The following WDR64 variants were observed in gnomAD, a reference collection of about 807,000 sequenced individuals.
WDR64 encodes WD repeat-containing protein 64.
Under a neutral mutation model 139.3 loss-of-function variants are expected in WDR64, and 112 were observed. The ratio of observed to expected loss-of-function variants is 0.80; its 90% CI spans 0.69 to 0.94. The LOEUF is 0.94. WDR64 is among the 40% of genes least tolerant of loss of function. The pLI is 0.00. For missense variants in WDR64, 1,206 were observed against 1,293.1 expected (o/e 0.93, Z 1.03); for synonymous variants, 444 against 437.7 (o/e 1.01, Z -0.18).
At chr1:241,665,625 T>C (rs1332549693) in intron 2 of WDR64, among the ~76,000 whole-genome samples, 1 of 152,126 alleles carries the variant, frequency 6.6e-6, no homozygotes, top group Non-Finnish European at 1.5e-5. Flanking sequence ...ACCTAAACAT[T>C]ATCTAGACCT....
intron 8 of WDR64, among the ~76,000 whole-genome samples, chr1:241,688,314 T>C (rs1667086669): frequency 6.6e-6 from 1 of 152,176 alleles, no homozygotes; most frequent in African/African-American, 2.4e-5. Flanking sequence ...AAGGGGACTT[T>C]CTTGGGTGAT....
intron 15 of WDR64, 118 bp downstream of exon 15, chr1:241,757,577 G>A (rs1308157473): frequency 8.7e-6 from 8 of 922,460 alleles, no homozygotes; most frequent in East Asian, 3.0e-5. Context: ...ACTCAGCTTC[G>A]AGAACTTTCT....
intron 15 of WDR64, among the ~76,000 whole-genome samples, chr1:241,760,147 T>C (rs1055559360): frequency 2.0e-5 from 3 of 152,174 alleles, no homozygotes; most frequent in Admixed American, 2.0e-4. Context: ...GCTTTCACTT[T>C]TTTGCTATTA....
intron 9 of WDR64, among the ~76,000 whole-genome samples, chr1:241,719,598 A>G (rs1668528980): frequency 6.6e-6 from 1 of 152,126 alleles, no homozygotes; most frequent in Non-Finnish European, 1.5e-5. Flanking sequence ...GCATCTATCA[A>G]ATTTGCCTGG....
intron 7 of WDR64, among the ~76,000 whole-genome samples, chr1:241,686,463 A>G (rs1296311347): frequency 6.6e-6 from 1 of 152,306 alleles, no homozygotes; most frequent in South Asian, 2.1e-4. Flanking sequence ...AAACATTTCT[A>G]TTCCTCAACT....
At chr1:241,796,492 C>CTTTTTTTTTTTTT (rs5782206) in intron 27 of WDR64, 122 bp downstream of exon 27, 3 of 484,728 alleles carry the variant, frequency 6.2e-6, no homozygotes, top group African/African-American at 2.1e-5. Flanking sequence ...TCAGTTCATA[C>CTTTTTTTTTTTTT]TTTTTTTTTT....
At chr1:241,658,928 A>T (rs367621818) in intron 1 of WDR64, among the ~76,000 whole-genome samples, 17 of 151,086 alleles carry the variant, frequency 1.1e-4, no homozygotes, top group Middle Eastern at 3.4e-3. Flanking sequence ...GTTCAGGGGT[A>T]CGTGTGCAGG....
At chr1:241,690,682 G>A (rs953170643) in intron 8 of WDR64, among the ~76,000 whole-genome samples, 2 of 151,986 alleles carry the variant, frequency 1.3e-5, no homozygotes, top group African/African-American at 2.4e-5. Context: ...AACTTTCTCG[G>A]ACAAACAGAA....
chr1:241,779,829 CAAATAAAT>C (rs754810472), intron 21 of WDR64, among the ~76,000 whole-genome samples, 167 bp from the exon 22 acceptor site: 182 of 152,080 alleles, frequency 1.2e-3, no homozygotes, highest in African/African-American at 4.1e-3. Context: ...GACTCCATCT[CAAATAAAT>C]AAATAAATAA....
chr1:241,726,541 G>A (rs1160054117), intron 10 of WDR64, among the ~76,000 whole-genome samples: 3 of 152,002 alleles, frequency 2.0e-5, no homozygotes, highest in Non-Finnish European at 1.5e-5. Flanking sequence ...GAGATAATTA[G>A]GGTGATGTAC....
chr1:241,729,552 G>C (rs537708097), intron 10 of WDR64, among the ~76,000 whole-genome samples: 12 of 152,218 alleles, frequency 7.9e-5, no homozygotes, highest in African/African-American at 2.9e-4. Context: ...TTCTCCAAAG[G>C]CTTTGTGCAT....
chr1:241,705,559 AAATAATAATAAT>A (rs71174832), intron 8 of WDR64, among the ~76,000 whole-genome samples: 4 of 136,668 alleles, frequency 2.9e-5, no homozygotes, highest in Non-Finnish European at 6.2e-5. Flanking sequence ...ATAAATAAAT[AAATAATAATAAT>A]AATAATAATA....
At chr1:241,680,695 C>T (rs1337936353) in intron 6 of WDR64, among the ~76,000 whole-genome samples, 2 of 152,162 alleles carry the variant, frequency 1.3e-5, no homozygotes, top group African/African-American at 4.8e-5. Context: ...TGGAGGGATG[C>T]CCTAGCCCTT....
At chr1:241,671,733 T>C (rs1454058110) in intron 3 of WDR64, among the ~76,000 whole-genome samples, 1 of 152,116 alleles carries the variant, frequency 6.6e-6, no homozygotes, top group Non-Finnish European at 1.5e-5. Context: ...CCCTCTCCAC[T>C]CTTAACACCT....
intron 1 of WDR64, among the ~76,000 whole-genome samples, chr1:241,658,284 GGTGTGTGTGT>G (rs56011225): frequency 1.4e-5 from 2 of 147,164 alleles, no homozygotes; most frequent in Non-Finnish European, 3.0e-5. Context: ...TTCAAGCAAT[GGTGTGTGTGT>G]GTGTGTGTGT....
rs570188031 is a variant in WDR64 at position 241,669,589 on chromosome 1, C to G, written c.277-1485C>G. Among the ~76,000 whole-genome samples the G allele has an allele frequency of 5.3e-5, 8 of 152,154 alleles. No homozygotes were observed. In the East Asian group the frequency reaches 1.5e-3, roughly 29 times the overall value. On this transcript the variant is annotated intron_variant, in intron 2 of 27. Coordinates refer to ENST00000437684, the MANE Select transcript of WDR64 (RefSeq NM_001367482.1). ...AAAAAGGGAAAATACAAGCAAGTCT[C>G]GATGAGCCTGATTTTCCCACAGAAG... is the stretch of plus-strand genomic sequence containing the variant.
rs980408714 is a variant in WDR64, at chr1:241,674,812, T to C, written c.483+65T>C. The C allele has an allele frequency of 2.6e-5, 26 of 988,712 alleles. No individual in the cohort carries two copies. In the South Asian group the frequency reaches 3.5e-4, roughly 13 times the overall value. 61.2% of individuals were successfully genotyped at this position (988,712 alleles called of 1,614,324 possible). A position where few individuals can be genotyped will look rare whatever the true frequency, so the allele number is the denominator to read the frequency against. On this transcript the variant is annotated intron_variant, in intron 4 of 27. Coordinates refer to ENST00000437684, the MANE Select transcript of WDR64 (RefSeq NM_001367482.1). The stretch of plus-strand genomic sequence containing the variant: ...ACAATAACCAGGTAATTTAAAAGCT[T>C]GGATTTCTCCCCCCCTCCCTCCCTC...
intron 15 of WDR64, among the ~76,000 whole-genome samples, chr1:241,762,541 A>T (rs1657962693): frequency 2.0e-5 from 3 of 152,128 alleles, no homozygotes. Flanking sequence ...TTTAACGAGG[A>T]TCTTCACTAA....
intron 14 of WDR64, among the ~76,000 whole-genome samples, chr1:241,751,608 T>A (rs1669984440): frequency 6.6e-6 from 1 of 152,220 alleles, no homozygotes; most frequent in African/African-American, 2.4e-5. Flanking sequence ...CATGTACTTT[T>A]AAATGTGTTC....
Sources: allele counts gnomAD v4.1 joint callset (sites outside exome capture counted in the v4.1 genomes callset), GRCh38; gene constraint gnomAD v4.1.1; transcripts MANE v1.5; gene names NCBI Gene and HGNC (gene_info 2026-07-23, HGNC 2026-07-21).